Variants in PTPRD observed in about 807,000 individuals in gnomAD.
The protein encoded by PTPRD is receptor-type tyrosine-protein phosphatase delta.
Under a neutral mutation model 214.5 loss-of-function variants are expected in PTPRD, and 34 were observed. The observed-to-expected ratio is 0.16, with a 90% CI of 0.12 to 0.21. The LOEUF is 0.21. Among genes scored for constraint, PTPRD ranks in the 10% least tolerant of loss-of-function variants. The pLI, the probability that PTPRD is intolerant of heterozygous loss-of-function variation, is 1.00. For missense variants in PTPRD, 2,545 were observed against 2,398.7 expected (o/e 1.06, Z -1.27); for synonymous variants, 1,128 against 845.7 (o/e 1.33, Z -5.79).
chr9:8,770,677 T>C (rs2095137689), intron 11 of PTPRD, among the ~76,000 whole-genome samples: 1 of 152,184 alleles, frequency 6.6e-6, no homozygotes, highest in African/African-American at 2.4e-5. Flanking sequence ...TTAAATACTT[T>C]CGTGGAAATA....
chr9:10,162,693 AT>A (rs2099135397), intron 3 of PTPRD, among the ~76,000 whole-genome samples: 1 of 147,220 alleles, frequency 6.8e-6, no homozygotes, highest in Non-Finnish European at 1.5e-5. Context: ...ATATGTGTAT[AT>A]ATATACATAT....
At position 8,931,446 on chromosome 9, in the gene PTPRD, C is replaced by T. The variant is rs1311448154; in HGVS notation, c.-104+87251G>A. ...CTTAGGATTGACTTGGTAATGCGGG[C>T]TCTTTTTTGGTTCCGTATGAACTTT... On this transcript the variant is annotated intron_variant, in intron 11 of 45. Coordinates refer to ENST00000381196, the MANE Select transcript of PTPRD (RefSeq NM_002839.4). Among the ~76,000 whole-genome samples, 3 of 152,100 alleles carry T rather than the reference C, an allele frequency of 2.0e-5. No homozygotes were observed. The East Asian group carries it at 5.8e-4, about 29-fold the overall frequency.
At chr9:9,123,246 T>G (rs1255488715) in intron 10 of PTPRD, among the ~76,000 whole-genome samples, 1 of 152,190 alleles carries the variant, frequency 6.6e-6, no homozygotes, top group Non-Finnish European at 1.5e-5. Context: ...CCAACTCAGG[T>G]ACAAAAATGC....
intron 12 of PTPRD, among the ~76,000 whole-genome samples, chr9:8,720,247 T>G (rs2098478159): frequency 6.6e-6 from 1 of 152,188 alleles, no homozygotes; most frequent in South Asian, 2.1e-4. Flanking sequence ...GCTGAGTATT[T>G]CTCCCTCTCT....
intron 8 of PTPRD, among the ~76,000 whole-genome samples, chr9:9,461,859 G>A (rs747560633): frequency 1.3e-5 from 2 of 152,088 alleles, no homozygotes; most frequent in Non-Finnish European, 2.9e-5. Context: ...TTCTCCTCAC[G>A]GATGACTTCT....
chr9:8,963,736 C>T (rs1393238828), intron 11 of PTPRD, among the ~76,000 whole-genome samples: 1 of 152,068 alleles, frequency 6.6e-6, no homozygotes, highest in Non-Finnish European at 1.5e-5. Flanking sequence ...CCTCCCACCT[C>T]AGCCTTCTGA....
chr9:8,947,037 T>A (rs1213702567), intron 11 of PTPRD, among the ~76,000 whole-genome samples: 1 of 150,190 alleles, frequency 6.7e-6, no homozygotes, highest in African/African-American at 2.5e-5. Context: ...TTCTTTTTTT[T>A]TTTTTGTGTG....
chr9:9,321,155 T>C (rs960036497), intron 9 of PTPRD, among the ~76,000 whole-genome samples: 2 of 152,192 alleles, frequency 1.3e-5, no homozygotes, highest in Non-Finnish European at 2.9e-5. Flanking sequence ...AGATACAAAA[T>C]TCAAGCTGTA....
At chr9:8,356,812 T>G (rs538259845) in intron 39 of PTPRD, among the ~76,000 whole-genome samples, 4 of 152,238 alleles carry the variant, frequency 2.6e-5, no homozygotes, top group Admixed American at 1.3e-4. Context: ...ACTAAATACG[T>G]GTGCATAAAA....
At chr9:9,489,551 T>A (rs896231930) in intron 8 of PTPRD, among the ~76,000 whole-genome samples, 1 of 152,156 alleles carries the variant, frequency 6.6e-6, no homozygotes, top group Non-Finnish European at 1.5e-5. Flanking sequence ...GTGGTGATAT[T>A]GATTTAGAGC....
At chr9:9,214,950 G>A (rs1250424158) in intron 9 of PTPRD, among the ~76,000 whole-genome samples, 1 of 152,168 alleles carries the variant, frequency 6.6e-6, no homozygotes, top group African/African-American at 2.4e-5. Context: ...ATTTGAACGA[G>A]CCCTTCTGGG....
chr9:8,951,194 G>C (rs2099100243), intron 11 of PTPRD, among the ~76,000 whole-genome samples: 1 of 149,120 alleles, frequency 6.7e-6, no homozygotes, highest in Non-Finnish European at 1.5e-5. Context: ...GAAACAGAAA[G>C]CAATTAATGG....
At chr9:9,523,379 T>C (rs1041263792) in intron 8 of PTPRD, among the ~76,000 whole-genome samples, 5 of 152,126 alleles carry the variant, frequency 3.3e-5, no homozygotes, top group Non-Finnish European at 7.4e-5. Context: ...AGGGGAGATA[T>C]TGGGTTTAAT....
chr9:10,284,654 A>G (rs1199192251), intron 3 of PTPRD, among the ~76,000 whole-genome samples: 1 of 152,176 alleles, frequency 6.6e-6, no homozygotes, highest in Non-Finnish European at 1.5e-5. Flanking sequence ...AAAGGCTTCA[A>G]CCAAGTGTTG....
At chr9:9,465,009 A>C (rs763078786) in intron 8 of PTPRD, among the ~76,000 whole-genome samples, 32 of 152,182 alleles carry the variant, frequency 2.1e-4, no homozygotes, top group Non-Finnish European at 3.7e-4. Context: ...TTGTGAGACA[A>C]TTGAATTCTG....
intron 9 of PTPRD, among the ~76,000 whole-genome samples, chr9:9,234,573 A>G (rs2099965348): frequency 6.6e-6 from 1 of 152,186 alleles, no homozygotes; most frequent in Non-Finnish European, 1.5e-5. Flanking sequence ...CAAATTTTCC[A>G]AACTTTTATG....
chr9:9,780,858 G>A (rs1334774930), intron 5 of PTPRD, among the ~76,000 whole-genome samples: 1 of 152,172 alleles, frequency 6.6e-6, no homozygotes, highest in Non-Finnish European at 1.5e-5. Flanking sequence ...TTGATAAAAT[G>A]ATATCAACTA....
intron 3 of PTPRD, among the ~76,000 whole-genome samples, chr9:10,118,935 G>C (rs1389934633): frequency 1.3e-5 from 2 of 151,384 alleles, no homozygotes; most frequent in Non-Finnish European, 3.0e-5. Context: ...GGCATATTTA[G>C]CTTGAAAGAG....
chr9:10,150,979 T>A (rs565879057), intron 3 of PTPRD, among the ~76,000 whole-genome samples: 90 of 151,980 alleles, frequency 5.9e-4, no homozygotes, highest in African/African-American at 2.1e-3. Context: ...CAATACTGCA[T>A]TGTATGAGGT....
Sources: allele counts gnomAD v4.1 joint callset (sites outside exome capture counted in the v4.1 genomes callset), GRCh38; gene constraint gnomAD v4.1.1; transcripts MANE v1.5; gene names NCBI Gene and HGNC (gene_info 2026-07-23, HGNC 2026-07-21).